BCAT2: variants seen among roughly 807,000 people sequenced by gnomAD.
BCAT2 encodes the protein branched-chain-amino-acid aminotransferase, mitochondrial.
In BCAT2, 44 loss-of-function variants were observed where a neutral mutation model predicts 52.9. The observed-to-expected ratio is 0.83, with a 90% CI of 0.65 to 1.07. The LOEUF (loss-of-function observed/expected upper bound fraction) is 1.07. Ranked by LOEUF, BCAT2 falls within the 50% of genes least tolerant of loss-of-function variation. BCAT2 has a pLI of 0.00. For synonymous variants in BCAT2, 215 were observed against 217.1 expected (o/e 0.99, Z 0.08); for missense variants, 478 against 521.8 (o/e 0.92, Z 0.82).
At chr19:48,804,469 G>A (rs566210503) in intron 3 of BCAT2, among the ~76,000 whole-genome samples, 9 of 152,292 alleles carry the variant, frequency 5.9e-5, no homozygotes, top group South Asian at 4.1e-4. Context: ...ACTTGAACCC[G>A]GGAGGCGGAG....
At chr19:48,802,465 T>TTG (rs1491432741) in intron 3 of BCAT2, among the ~76,000 whole-genome samples, 1 of 114,958 alleles carries the variant, frequency 8.7e-6, no homozygotes, top group Non-Finnish European at 1.9e-5. Flanking sequence ...TTTTTTTTTT[T>TTG]GAGATGGAGT....
At chr19:48,801,984 G>T (rs146168079) in intron 3 of BCAT2, among the ~76,000 whole-genome samples, 1,774 of 150,110 alleles carry the variant, frequency 0.012, 32 homozygotes, top group African/African-American at 0.041. Context: ...TTACTATGTT[G>T]CCCAGGCTGG....
intron 6 of BCAT2, among the ~76,000 whole-genome samples, chr19:48,797,806 CTTTT>C (rs1176039135): frequency 7.1e-6 from 1 of 140,314 alleles, no homozygotes; most frequent in Non-Finnish European, 1.5e-5. Context: ...TTCTTTTTTT[CTTTT>C]TTTCTTTTTT....
In BCAT2 at chr19:48,807,188, G is replaced by C. The variant is rs567804349; in HGVS notation, c.25-114C>G. 7.5e-4 allele frequency: 668 copies of C among 887,650 alleles called. No homozygotes were observed. Among genetic ancestry groups the C allele is most frequent in the Non-Finnish European group, 1.1e-3 (616 of 577,114 alleles). The allele number at this position is 887,650 out of a possible 1,614,324, so 55.0% of individuals were successfully genotyped here. On this transcript the variant is annotated intron_variant, in intron 1 of 10. Transcript: ENST00000316273. This position sits in a 1 kb window ranked among gnomAD's most constrained non-coding sequence, Gnocchi z 4.6. ...CCACTGGCCTGCCTGTTCTGTCCCA[G>C]TTTCAGTCCATTCTAGACGGGGCAG...
At position 48,796,671 on chromosome 19, in the gene BCAT2, C is replaced by T. The variant is rs758986106; in HGVS notation, c.972G>A (p.Leu324=). ...VERTITMKQL[L]RALEEGRVRE... ...GCACGCGGCCCTCCTCCAGGGCCCGCAGCAACTGCTTCATGGTGATCGTGC... is the reference window on the plus strand; with the variant it reads ...GCACGCGGCCCTCCTCCAGGGCCCGTAGCAACTGCTTCATGGTGATCGTGC... The change falls in exon 9 of 11, where the codon CTG becomes CTA. Residue 324 remains leucine (L), a synonymous_variant. Coordinates refer to ENST00000316273, the MANE Select transcript of BCAT2 (RefSeq NM_001190.4). The T allele has an allele frequency of 1.2e-6, 2 of 1,613,646 alleles. No individual in the cohort carries two copies. Among genetic ancestry groups the T allele is most frequent in the South Asian group, 2.2e-5 (2 of 91,060 alleles).
At position 48,809,066 on chromosome 19, in the gene BCAT2, C is replaced by CAAAAAAAAAAAAA. The variant is rs3057799; in HGVS notation, c.24+1905_24+1917dup. Among the ~76,000 whole-genome samples the CAAAAAAAAAAAAA allele has an allele frequency of 6.9e-5, 2 of 28,954 alleles. 1 individual carries two copies. The highest frequency in any genetic ancestry group is 1.2e-4 in the Non-Finnish European group (2 of 16,428). The allele number at this position is 28,954 out of a possible 152,430, so 19.0% of individuals were successfully genotyped here. On this transcript the variant is annotated intron_variant, in intron 1 of 10. Coordinates refer to ENST00000316273, the MANE Select transcript of BCAT2 (RefSeq NM_001190.4). The stretch of plus-strand genomic sequence containing the variant: ...CCAGCATGAGTGATAGAGTGTCTCT[C>CAAAAAAAAAAAAA]AAAAAAAAAAAAAAAAAAAAAAAAA...
chr19:48,805,397 C>A (rs2034744986), intron 3 of BCAT2, among the ~76,000 whole-genome samples: 2 of 152,078 alleles, frequency 1.3e-5, no homozygotes, highest in Non-Finnish European at 2.9e-5. Context: ...CTTACTATAC[C>A]CAGACATGGC....
intron 3 of BCAT2, among the ~76,000 whole-genome samples, chr19:48,801,736 A>G (rs2034661463): frequency 6.6e-6 from 1 of 151,826 alleles, no homozygotes; most frequent in African/African-American, 2.4e-5. Flanking sequence ...TCCCAGGTTC[A>G]AGCAATTCTT....
intron 6 of BCAT2, among the ~76,000 whole-genome samples, chr19:48,798,423 G>C (rs12461998): frequency 5.9e-5 from 9 of 152,208 alleles, no homozygotes; most frequent in Admixed American, 2.0e-4. Context: ...TTCCAGGCCT[G>C]CCTGGGTCTA....
chr19:48,808,562 G>A (rs1166806000), intron 1 of BCAT2, among the ~76,000 whole-genome samples: 1 of 152,130 alleles, frequency 6.6e-6, no homozygotes, highest in Non-Finnish European at 1.5e-5. Context: ...TTCAAGACCA[G>A]CCTGGGCAAC....
At position 48,799,665 on chromosome 19, in the gene BCAT2, T is replaced by G. The variant is rs780995085; in HGVS notation, c.695+10A>C. 1.3e-6 allele frequency: 2 copies of G among 1,559,814 alleles called. No individual in the cohort carries two copies. The highest frequency in any genetic ancestry group is 1.7e-6 in the Non-Finnish European group (2 of 1,156,452). Reference sequence around the variant, plus strand: ...GCGCCAGTCGTTCTGGGGATGGGGGTGCTACTTACCCACCTAACTTGTAGT... The same window carrying G: ...GCGCCAGTCGTTCTGGGGATGGGGGGGCTACTTACCCACCTAACTTGTAGT... On this transcript the variant is annotated intron_variant, in intron 6 of 10. Coordinates refer to ENST00000316273, the MANE Select transcript of BCAT2 (RefSeq NM_001190.4). The surrounding 1 kb of genome is among the most constrained non-coding windows in gnomAD (Gnocchi z 5.5).
In BCAT2 at chr19:48,811,008, G is replaced by C. The variant is rs2034912110; in HGVS notation, c.-1C>G. The C allele has an allele frequency of 2.5e-6, 4 of 1,606,054 alleles. No individual in the cohort carries two copies. Among genetic ancestry groups the C allele is most frequent in the Non-Finnish European group, 8.5e-7 (1 of 1,177,224 alleles). The stretch of plus-strand genomic sequence containing the variant: ...CCTGCCCCAGAGCGGCTGCGGCCAT[G>C]ATCCGTGCGGCGCGTAACTGTGCCC... On this transcript the variant is annotated 5_prime_UTR_variant, in exon 1 of 11. In the 5' UTR this introduces an upstream ATG that the reference lacks. Coordinates refer to ENST00000316273, the MANE Select transcript of BCAT2 (RefSeq NM_001190.4).
intron 10 of BCAT2, 123 bp downstream of exon 10, chr19:48,796,305 G>C (rs1432280643): frequency 1.6e-6 from 2 of 1,262,638 alleles, no homozygotes; most frequent in South Asian, 1.3e-5. Context: ...GCCTCAATAA[G>C]AAAGGCCATT....
intron 10 of BCAT2, chr19:48,795,743 A>G: frequency 1.9e-6 from 1 of 536,384 alleles, no homozygotes; most frequent in Non-Finnish European, 3.4e-6. Context: ...CCAGATAGTC[A>G]GAGGATGTGT....
At chr19:48,802,800 G>A (rs1250305977) in intron 3 of BCAT2, among the ~76,000 whole-genome samples, 1 of 152,078 alleles carries the variant, frequency 6.6e-6, no homozygotes, top group East Asian at 1.9e-4. Context: ...AACAACCTAA[G>A]TGTCCAACAG....
Position 48,800,177 on chromosome 19 carries a change from G to A in BCAT2, c.411+10C>T, listed in dbSNP as rs780618191. On this transcript the variant is annotated intron_variant, in intron 4 of 10. Transcript: ENST00000316273. Reference sequence around the variant, plus strand: ...CCTCCTCCCCACCCCGGTGGACCGGGACCCCTCACCGGCAGGCACAGGCGC... The same window carrying A: ...CCTCCTCCCCACCCCGGTGGACCGGAACCCCTCACCGGCAGGCACAGGCGC... 1.9e-6 allele frequency: 3 copies of A among 1,613,044 alleles called. No homozygotes were observed. The highest frequency in any genetic ancestry group is 2.2e-5 in the East Asian group (1 of 44,858).
chr19:48,799,802 G>C lies in BCAT2; in HGVS notation c.568C>G (p.Leu190Val). 6.4e-7 allele frequency: 1 copy of C among 1,560,920 alleles called. No homozygotes were observed. The change falls in exon 6 of 11, where the codon CTG becomes GTG. Residue 190 changes from leucine (L) to valine (V), a missense_variant. Leu to Val is a conservative substitution (Grantham distance 32, BLOSUM62 1). Transcript: ENST00000316273. This position sits in a 1 kb window ranked among gnomAD's most constrained non-coding sequence, Gnocchi z 5.5. The stretch of plus-strand genomic sequence containing the variant: ...CCCACTGGGCAGAGAATGACGAACA[G>C]GAGCGCGCGCGTGGGCTGGCTGACA... Reference protein sequence around the residue: ...LGVSQPTRALLFVILCPVGAY... With the variant: ...LGVSQPTRALVFVILCPVGAY...
chr19:48,803,612 C>CCGA (rs1162764046), intron 3 of BCAT2, among the ~76,000 whole-genome samples: 1 of 151,468 alleles, frequency 6.6e-6, no homozygotes, highest in African/African-American at 2.4e-5. Context: ...CTTTGGGAGG[C>CCGA]CGAAGCAGGT....
In BCAT2 at chr19:48,795,216, G is replaced by A. The variant is rs1004660594; in HGVS notation, c.*210C>T. On this transcript the variant is annotated 3_prime_UTR_variant, in exon 11 of 11. Coordinates refer to ENST00000316273, the MANE Select transcript of BCAT2 (RefSeq NM_001190.4). ...ACGACAAGGAGTAATGGGCGGACCT[G>A]AACCCGCGACGAGGGGCTGGGGGCC... 2.4e-5 allele frequency: 15 copies of A among 636,330 alleles called. No individual in the cohort carries two copies. The highest frequency in any genetic ancestry group is 2.4e-4 in the African/African-American group (13 of 55,156). The allele number at this position is 636,330 out of a possible 1,614,324, so 39.4% of individuals were successfully genotyped here.
Sources: allele counts gnomAD v4.1 joint callset (sites outside exome capture counted in the v4.1 genomes callset), GRCh38; gene constraint gnomAD v4.1.1; non-coding constraint Gnocchi (gnomAD v3.1); transcripts MANE v1.5; gene names NCBI Gene and HGNC (gene_info 2026-07-23, HGNC 2026-07-21).